The following CFAP46 variants were observed in gnomAD, a reference collection of about 807,000 sequenced individuals.
The protein encoded by CFAP46 is cilia and flagella associated protein 46, also known as cilia- and flagella-associated protein 46.
Under a neutral mutation model 325.7 loss-of-function variants are expected in CFAP46, and 245 were observed. That is an observed-to-expected ratio of 0.75 (90% CI 0.68 to 0.84). The LOEUF (loss-of-function observed/expected upper bound fraction) is 0.84. Ranked by LOEUF, CFAP46 falls within the 40% of genes least tolerant of loss-of-function variation. The pLI, the probability that CFAP46 is intolerant of heterozygous loss-of-function variation, is 0.00. For synonymous variants in CFAP46, 1,523 were observed against 1,495.9 expected (o/e 1.02, Z -0.42); for missense variants, 3,346 against 3,543.0 (o/e 0.94, Z 1.41).
chr10:132,866,608 A>G (rs1162720659), intron 34 of CFAP46, among the ~76,000 whole-genome samples: 1 of 151,800 alleles, frequency 6.6e-6, no homozygotes, highest in South Asian at 2.1e-4. Context: ...GAGCCCCTGC[A>G]CTAGGATCTG....
At chr10:132,866,882 C>T (rs1375048333) in intron 34 of CFAP46, among the ~76,000 whole-genome samples, 3 of 152,224 alleles carry the variant, frequency 2.0e-5, no homozygotes, top group African/African-American at 7.2e-5. Context: ...TGAGGGAAAC[C>T]CAGGTGGTGG....
At chr10:132,845,955 G>A (rs1018010846) in intron 44 of CFAP46, 102 bp downstream of exon 44, 91 of 1,317,728 alleles carry the variant, frequency 6.9e-5, no homozygotes, top group Non-Finnish European at 8.5e-5. Context: ...GCTGGGGGGT[G>A]AGCAAGGCTG....
chr10:132,920,943 A>G (rs1849713791), intron 13 of CFAP46, among the ~76,000 whole-genome samples: 1 of 152,334 alleles, frequency 6.6e-6, no homozygotes, highest in Admixed American at 6.5e-5. Context: ...TCTGGGTCCT[A>G]CTGGTGGATC....
rs1261531394 is a variant in CFAP46, at chr10:132,924,750, T to G, written c.1202A>C (p.His401Pro). The change falls in exon 11 of 58, where the codon CAC (histidine) becomes CCC (proline). Residue 401 changes from histidine to proline, a missense_variant. Coordinates refer to ENST00000368586, the MANE Select transcript of CFAP46 (RefSeq NM_001200049.3). ...GCCAGCCAGGGGCTTCCGCAGGTGG[T>G]GCCGCAGGTTGTGCTGCAGCAGGGG... is the stretch of plus-strand genomic sequence containing the variant. The part of the protein sequence containing the change: ...CLPLLQHNLR[H>P]HLRKPLAGVA... 6.5e-7 allele frequency: 1 copy of G among 1,539,244 alleles called. No individual in the cohort carries two copies. Among genetic ancestry groups the G allele is most frequent in the Admixed American group, 2.0e-5 (1 of 49,516 alleles).
At chr10:132,872,579 T>C in intron 32 of CFAP46, 97 bp downstream of exon 32, 1 of 1,378,056 alleles carries the variant, frequency 7.3e-7, no homozygotes, top group Non-Finnish European at 1.0e-6. Flanking sequence ...GGGACTTTAT[T>C]ATTTACACAG....
chr10:132,832,309 G>A lies in CFAP46; in HGVS notation c.7117+1049C>T, dbSNP rs970260270. Among the ~76,000 whole-genome samples the A allele has an allele frequency of 5.6e-4, 84 of 151,100 alleles. No homozygotes were observed. Among genetic ancestry groups the A allele is most frequent in the African/African-American group, 1.9e-3 (77 of 40,980 alleles). ...GCAGCTCTCTCCTTCCAGGTGTCCC[G>A]CCCTGCACGTTGTAGTTGTCAGTTT... is the stretch of plus-strand genomic sequence containing the variant. On this transcript the variant is annotated intron_variant, in intron 50 of 57. Coordinates refer to ENST00000368586, the MANE Select transcript of CFAP46 (RefSeq NM_001200049.3). This position sits in a 1 kb window ranked among gnomAD's most constrained non-coding sequence, Gnocchi z 4.1.
At chr10:132,826,604 G>A (rs868293789) in intron 50 of CFAP46, among the ~76,000 whole-genome samples, 18 of 75,856 alleles carry the variant, frequency 2.4e-4, no homozygotes, top group South Asian at 1.2e-3. Context: ...CCGGAGCCAC[G>A]GAGACCAGCC....
At chr10:132,921,927 G>A (rs544708969) in intron 13 of CFAP46, among the ~76,000 whole-genome samples, 177 bp downstream of exon 13, 2 of 152,368 alleles carry the variant, frequency 1.3e-5, no homozygotes, top group Admixed American at 6.5e-5. Context: ...ACAGAAGACC[G>A]TCGCTGGGCT....
At chr10:132,849,934 C>G (rs557657444) in intron 41 of CFAP46, among the ~76,000 whole-genome samples, 1 of 151,788 alleles carries the variant, frequency 6.6e-6, no homozygotes. Flanking sequence ...GCTCCACGCT[C>G]GCCAGCACAG....
intron 19 of CFAP46, 46 bp downstream of exon 19, chr10:132,912,609 C>T (rs1789915841): frequency 2.7e-6 from 1 of 364,524 alleles, no homozygotes; most frequent in Non-Finnish European, 3.6e-6. Flanking sequence ...TCTCTCCTCT[C>T]TCTCTCTCTC....
At chr10:132,926,154 C>T (rs575585657) in intron 10 of CFAP46, among the ~76,000 whole-genome samples, 20 of 152,342 alleles carry the variant, frequency 1.3e-4, no homozygotes, top group Admixed American at 4.6e-4. Flanking sequence ...CCAGGGCCGG[C>T]GGTGGCTTTT....
At chr10:132,865,109 G>A (rs756175931) in intron 35 of CFAP46, among the ~76,000 whole-genome samples, 1 of 152,220 alleles carries the variant, frequency 6.6e-6, no homozygotes, top group Non-Finnish European at 1.5e-5. Context: ...TCGACAGGCT[G>A]TCTGGTTCTG....
At chr10:132,908,349 C>T in intron 22 of CFAP46, 119 bp downstream of exon 22, 1 of 1,279,158 alleles carries the variant, frequency 7.8e-7, no homozygotes. Context: ...GGCCCGCGCT[C>T]CCTGCCCGTT....
At chr10:132,861,195 C>T (rs982103112) in intron 35 of CFAP46, among the ~76,000 whole-genome samples, 5 of 152,334 alleles carry the variant, frequency 3.3e-5, no homozygotes, top group African/African-American at 1.2e-4. Context: ...CAGTGCTGCC[C>T]GGCTCCTGCC....
intron 17 of CFAP46, among the ~76,000 whole-genome samples, chr10:132,915,358 C>T (rs1849620689): frequency 6.6e-6 from 1 of 152,234 alleles, no homozygotes; most frequent in Non-Finnish European, 1.5e-5. Context: ...GGCCCGGTGG[C>T]TCCTCACAGA....
intron 39 of CFAP46, among the ~76,000 whole-genome samples, chr10:132,855,163 GC>G (rs1848622535): frequency 1.3e-5 from 1 of 77,530 alleles, no homozygotes; most frequent in African/African-American, 8.5e-5. Flanking sequence ...TTTCTCCGTT[GC>G]AATTTTATTT....
At chr10:132,836,736 G>A in intron 45 of CFAP46, 81 bp downstream of exon 45, 1 of 1,192,044 alleles carries the variant, frequency 8.4e-7, no homozygotes, top group Non-Finnish European at 1.2e-6. Context: ...CTGAGGTGTG[G>A]GCAGCCCACG....
In CFAP46 at chr10:132,814,266, A is replaced by G. The variant is rs1343842441; in HGVS notation, c.7286-12T>C. The G allele has an allele frequency of 6.9e-6, 11 of 1,601,722 alleles. No homozygotes were observed. In the East Asian group the frequency reaches 2.5e-4, roughly 36 times the overall value. Reference sequence around the variant, plus strand: ...AGGAGTTAGCATTTCTGCAAGGAGAACAGGGTGGATACAGACCACGGTGTT... The same window carrying G: ...AGGAGTTAGCATTTCTGCAAGGAGAGCAGGGTGGATACAGACCACGGTGTT... On this transcript the variant is annotated splice_polypyrimidine_tract_variant and intron_variant, in intron 53 of 57. Transcript: ENST00000368586.
intron 50 of CFAP46, among the ~76,000 whole-genome samples, chr10:132,818,192 TG>T (rs1257659898): frequency 6.6e-6 from 1 of 152,138 alleles, no homozygotes; most frequent in Non-Finnish European, 1.5e-5. Context: ...ATGACAGTGG[TG>T]GCCGCGCCGG....
Sources: allele counts gnomAD v4.1 joint callset (sites outside exome capture counted in the v4.1 genomes callset), GRCh38; gene constraint gnomAD v4.1.1; non-coding constraint Gnocchi (gnomAD v3.1); transcripts MANE v1.5; gene names NCBI Gene and HGNC (gene_info 2026-07-23, HGNC 2026-07-21).